Variants in PCDHGC4 observed in about 807,000 individuals in gnomAD.
The protein encoded by PCDHGC4 is protocadherin gamma-C4.
In PCDHGC4, 15 loss-of-function variants were observed where a neutral mutation model predicts 59.7. The ratio of observed to expected loss-of-function variants is 0.25; its 90% confidence interval spans 0.17 to 0.39. The LOEUF is 0.39. PCDHGC4 is among the 10% of genes least tolerant of loss of function. The pLI is 1.00. For missense variants in PCDHGC4, 1,016 were observed against 1,189.5 expected (o/e 0.85, Z 2.15); for synonymous variants, 434 against 481.4 (o/e 0.90, Z 1.29).
intron 2 of PCDHGC4, among the ~76,000 whole-genome samples, chr5:141,500,194 T>G (rs994324188): frequency 2.1e-4 from 31 of 147,918 alleles, no homozygotes; most frequent in African/African-American, 7.7e-4. Context: ...TTTTATTTAT[T>G]TATTTATTTA....
chr5:141,500,937 C>G (rs910002814), intron 2 of PCDHGC4, among the ~76,000 whole-genome samples: 1 of 151,804 alleles, frequency 6.6e-6, no homozygotes, highest in Non-Finnish European at 1.5e-5. Context: ...GGCGCCATCT[C>G]GGCTCACTGC....
At chr5:141,497,307 C>T (rs1295364802) in intron 2 of PCDHGC4, among the ~76,000 whole-genome samples, 1 of 152,096 alleles carries the variant, frequency 6.6e-6, no homozygotes, top group Non-Finnish European at 1.5e-5. Flanking sequence ...CCAGGCCATA[C>T]ACTGGCTTTG....
chr5:141,490,618 A>G lies in PCDHGC4; in HGVS notation c.2442+3003A>G, dbSNP rs1463273520. On this transcript the variant is annotated intron_variant, in intron 1 of 3. Transcript: ENST00000306593. The surrounding 1 kb of genome is among the most constrained non-coding windows in gnomAD (Gnocchi z 5.4). ...ACCCCGCTTCAACCAGCAGCTTTAC[A>G]CTGCTTACATCCTAGAAAACCGGCC... 4.3e-6 allele frequency: 7 copies of G among 1,613,986 alleles called. No homozygotes were observed. Among genetic ancestry groups the G allele is most frequent in the Admixed American group, 1.7e-5 (1 of 59,996 alleles).
rs759737266 is a variant in PCDHGC4 at position 141,489,464 on chromosome 5, T to A, written c.2442+1849T>A. 5 of 1,614,030 alleles carry A rather than the reference T, an allele frequency of 3.1e-6. No homozygotes were observed. In the South Asian group the frequency reaches 3.3e-5, roughly 11 times the overall value. On this transcript the variant is annotated intron_variant, in intron 1 of 3. Transcript: ENST00000306593. The surrounding 1 kb of genome is among the most constrained non-coding windows in gnomAD (Gnocchi z 4.5). ...GGCTCTGAGGAGAATGGGCGCTATT[T>A]TTCCCTGAGCTTGATGAGTGGTGCC...
rs1191643556 is a variant in PCDHGC4, at chr5:141,486,302, C to T, written c.1129C>T (p.Pro377Ser). The T allele has an allele frequency of 2.5e-6, 4 of 1,613,918 alleles. No individual in the cohort carries two copies. The highest frequency in any genetic ancestry group is 3.4e-6 in the Non-Finnish European group (4 of 1,180,002). Reference protein sequence around the residue: ...TVVALISVQDPDSGSNGDVSL... With the variant: ...TVVALISVQDSDSGSNGDVSL... Reference sequence around the variant, plus strand: ...GGTGGCACTTATCAGTGTGCAGGATCCAGACTCAGGGTCAAACGGAGATGT... The same window carrying T: ...GGTGGCACTTATCAGTGTGCAGGATTCAGACTCAGGGTCAAACGGAGATGT... The change falls in exon 1 of 4, where the codon CCA (proline) becomes TCA (serine). Residue 377 changes from proline (P) to serine (S), a missense_variant. Physicochemically the swap from Pro to Ser is moderately conservative, Grantham distance 74 (BLOSUM62 -1). Coordinates refer to ENST00000306593, the MANE Select transcript of PCDHGC4 (RefSeq NM_018928.3). This position sits in a 1 kb window ranked among gnomAD's most constrained non-coding sequence, Gnocchi z 5.0.
chr5:141,489,943 A>G lies in PCDHGC4; in HGVS notation c.2442+2328A>G. ...CCTTATCTCTGTCATCGTGCTGGAC[A>G]TCAATGATAATGCTCCAACCTTCCA... On this transcript the variant is annotated intron_variant, in intron 1 of 3. Transcript: ENST00000306593. The surrounding 1 kb of genome is among the most constrained non-coding windows in gnomAD (Gnocchi z 4.5). 5.6e-6 allele frequency: 9 copies of G among 1,614,190 alleles called. No homozygotes were observed. Among genetic ancestry groups the G allele is most frequent in the Non-Finnish European group, 7.6e-6 (9 of 1,180,016 alleles).
rs765754054 is a variant in PCDHGC4 at position 141,503,598 on chromosome 5, CA to C, written c.2502-1779del. Among the ~76,000 whole-genome samples, 277 of 65,728 alleles carry C rather than the reference CA, an allele frequency of 4.2e-3. 2 individuals are homozygous for C. The highest frequency in any genetic ancestry group is 0.012 in the Middle Eastern group (1 of 86). The allele number at this position is 65,728 out of a possible 152,430, so 43.1% of individuals were successfully genotyped here. A position where few individuals can be genotyped will look rare whatever the true frequency, so the allele number is the denominator to read the frequency against. ...TGGGTGACAGAGCGAGACTCCAGCT[CA>C]AAAAAAAAAAAAAAAGAAAAAAGAA... On this transcript the variant is annotated intron_variant, in intron 2 of 3. Coordinates refer to ENST00000306593, the MANE Select transcript of PCDHGC4 (RefSeq NM_018928.3).
At position 141,486,811 on chromosome 5, in the gene PCDHGC4, C is replaced by A. The variant is rs2099635196; in HGVS notation, c.1638C>A (p.Ser546Arg). Residue 546 changes from serine to arginine, a missense_variant, in exon 1 of 4, where the codon AGC becomes AGA. By Grantham distance (110) the Ser-to-Arg change is moderately radical (BLOSUM62 -1). Coordinates refer to ENST00000306593, the MANE Select transcript of PCDHGC4 (RefSeq NM_018928.3). The surrounding 1 kb of genome is among the most constrained non-coding windows in gnomAD (Gnocchi z 5.0). ...GGGATCGGGGCAACCCACCCCTTAG[C>A]AGCACTGTAACAGTTCGTCTATTTG... The part of the protein sequence containing the change: ...QARDRGNPPL[S>R]STVTVRLFVL... The A allele has an allele frequency of 1.2e-6, 2 of 1,614,124 alleles. No homozygotes were observed. The highest frequency in any genetic ancestry group is 2.2e-5 in the East Asian group (1 of 44,900).
Position 141,487,532 on chromosome 5 carries a change from A to C in PCDHGC4, c.2359A>C (p.Met787Leu). 6.2e-7 allele frequency: 1 copy of C among 1,614,158 alleles called. No homozygotes were observed. Among genetic ancestry groups the C allele is most frequent in the Non-Finnish European group, 8.5e-7 (1 of 1,180,022 alleles). Residue 787 changes from methionine (M) to leucine (L), a missense_variant, in exon 1 of 4, where the codon ATG becomes CTG. By Grantham distance (15) the Met-to-Leu change is conservative. Transcript: ENST00000306593. This position sits in a 1 kb window ranked among gnomAD's most constrained non-coding sequence, Gnocchi z 5.0. Reference protein sequence around the residue: ...SAPTRSDSFMMVKSPSAPMAG... With the variant: ...SAPTRSDSFMLVKSPSAPMAG... Reference sequence around the variant, plus strand: ...ACCCACTCGGAGTGATAGCTTCATGATGGTGAAGTCACCCAGTGCACCTAT... The same window carrying C: ...ACCCACTCGGAGTGATAGCTTCATGCTGGTGAAGTCACCCAGTGCACCTAT...
intron 2 of PCDHGC4, among the ~76,000 whole-genome samples, chr5:141,498,004 G>C (rs1385457484): frequency 6.6e-6 from 1 of 152,316 alleles, no homozygotes; most frequent in African/African-American, 2.4e-5. Flanking sequence ...GGAGTTTACA[G>C]TGCACTGAAG....
Position 141,487,247 on chromosome 5 carries a change from T to C in PCDHGC4, c.2074T>C (p.Tyr692His). Reference sequence around the variant, plus strand: ...GGAAGGAGAATCTCGTCTAACCCTCTACTTGGCTGTGTCCCTAGTGGCAAT... The same window carrying C: ...GGAAGGAGAATCTCGTCTAACCCTCCACTTGGCTGTGTCCCTAGTGGCAAT... Reference protein sequence around the residue: ...PREGESRLTLYLAVSLVAICF... With the variant: ...PREGESRLTLHLAVSLVAICF... The change falls in exon 1 of 4, where the codon TAC becomes CAC. Residue 692 changes from tyrosine (Y) to histidine (H), a missense_variant. Transcript: ENST00000306593. This position sits in a 1 kb window ranked among gnomAD's most constrained non-coding sequence, Gnocchi z 5.0. 1 of 1,614,174 alleles carries C rather than the reference T, an allele frequency of 6.2e-7. No individual in the cohort carries two copies. The highest frequency in any genetic ancestry group is 1.3e-5 in the African/African-American group (1 of 75,048).
chr5:141,494,100 G>A (rs559145191), intron 1 of PCDHGC4, among the ~76,000 whole-genome samples: 7 of 152,270 alleles, frequency 4.6e-5, no homozygotes, highest in South Asian at 2.1e-4. Flanking sequence ...ATTTTTCTCC[G>A]TCTCAGACAG....
Position 141,485,943 on chromosome 5 carries a change from C to A in PCDHGC4, c.770C>A (p.Ala257Glu), listed in dbSNP as rs750871245. The A allele has an allele frequency of 1.9e-6, 3 of 1,614,126 alleles. No individual in the cohort carries two copies. Among genetic ancestry groups the A allele is most frequent in the Non-Finnish European group, 1.7e-6 (2 of 1,180,012 alleles). ...ATTAGTGTGTTGGAGAGCGCACCAG[C>A]GGGCATGGTGCTCATCCAGCTCAAT... is the stretch of plus-strand genomic sequence containing the variant. The part of the protein sequence containing the change: ...YRISVLESAP[A>E]GMVLIQLNAS... Residue 257 changes from alanine to glutamate, a missense_variant, in exon 1 of 4, where the codon GCG becomes GAG. Ala to Glu is a moderately radical substitution (Grantham distance 107). Coordinates refer to ENST00000306593, the MANE Select transcript of PCDHGC4 (RefSeq NM_018928.3). The surrounding 1 kb of genome is among the most constrained non-coding windows in gnomAD (Gnocchi z 5.7).
Position 141,487,491 on chromosome 5 carries a change from C to T in PCDHGC4, c.2318C>T (p.Thr773Ile). The part of the protein sequence containing the change: ...VDVGGHSHGC[T>I]PLASAPTRSD... ...GTGGGAGGCCACTCTCATGGCTGTA[C>T]ACCCTTGGCTTCTGCACCCACTCGG... is the stretch of plus-strand genomic sequence containing the variant. Residue 773 changes from threonine to isoleucine, a missense_variant, in exon 1 of 4, where the codon ACA (threonine) becomes ATA (isoleucine). Transcript: ENST00000306593. This position sits in a 1 kb window ranked among gnomAD's most constrained non-coding sequence, Gnocchi z 5.0. 6.2e-7 allele frequency: 1 copy of T among 1,614,204 alleles called. No individual in the cohort carries two copies. Among genetic ancestry groups the T allele is most frequent in the Non-Finnish European group, 8.5e-7 (1 of 1,180,034 alleles).
chr5:141,487,176 A>T lies in PCDHGC4; in HGVS notation c.2003A>T (p.Asp668Val). ...ACTCTCTTAGTGTCCTTAGAGGAAG[A>T]CACTCATCCAGTTGTCCCAGATCTT... ...SVTLLVSLEE[D>V]THPVVPDLRE... Residue 668 changes from aspartate to valine, a missense_variant, in exon 1 of 4, where the codon GAC becomes GTC. Physicochemically the swap from Asp to Val is radical, Grantham distance 152. Transcript: ENST00000306593. This position sits in a 1 kb window ranked among gnomAD's most constrained non-coding sequence, Gnocchi z 5.0. 1 of 1,613,774 alleles carries T rather than the reference A, an allele frequency of 6.2e-7. No individual in the cohort carries two copies. Among genetic ancestry groups the T allele is most frequent in the South Asian group, 1.1e-5 (1 of 91,082 alleles).
intron 3 of PCDHGC4, 111 bp from the exon 4 acceptor site, chr5:141,510,836 G>C: frequency 6.3e-7 from 1 of 1,584,882 alleles, no homozygotes; most frequent in African/African-American, 1.3e-5. Flanking sequence ...TGCTCAGCGT[G>C]GTCAAGGCCC....
intron 2 of PCDHGC4, among the ~76,000 whole-genome samples, chr5:141,501,988 T>C (rs2099812189): frequency 6.6e-6 from 1 of 152,056 alleles, no homozygotes; most frequent in Non-Finnish European, 1.5e-5. Flanking sequence ...GGTCCCGTTG[T>C]CTCCCTGACA....
chr5:141,505,590 A>G, intron 3 of PCDHGC4, 109 bp downstream of exon 3: 1 of 1,571,996 alleles, frequency 6.4e-7, no homozygotes, highest in East Asian at 2.3e-5. Context: ...TAGTTTCTCC[A>G]GATCTTTCGG....
Position 141,486,369 on chromosome 5 carries a change from C to A in PCDHGC4, c.1196C>A (p.Ser399Tyr). The change falls in exon 1 of 4, where the codon TCT (serine) becomes TAT (tyrosine). Residue 399 changes from serine to tyrosine, a missense_variant. Physicochemically the swap from Ser to Tyr is moderately radical, Grantham distance 144. Coordinates refer to ENST00000306593, the MANE Select transcript of PCDHGC4 (RefSeq NM_018928.3). This position sits in a 1 kb window ranked among gnomAD's most constrained non-coding sequence, Gnocchi z 5.0. ...IPDHLPFALK[S>Y]AFRNQFSLVT... ...GACCACTTGCCATTTGCCCTCAAGT[C>A]TGCCTTCAGGAACCAGTTCTCCCTG... 6.2e-7 allele frequency: 1 copy of A among 1,614,128 alleles called. No individual in the cohort carries two copies. Among genetic ancestry groups the A allele is most frequent in the African/African-American group, 1.3e-5 (1 of 75,048 alleles).
Sources: allele counts gnomAD v4.1 joint callset (sites outside exome capture counted in the v4.1 genomes callset), GRCh38; gene constraint gnomAD v4.1.1; non-coding constraint Gnocchi (gnomAD v3.1); transcripts MANE v1.5; gene names NCBI Gene and HGNC (gene_info 2026-07-23, HGNC 2026-07-21).